Variants in EYS observed in about 807,000 individuals in gnomAD.
EYS encodes the protein EGF-like photoreceptor maintenance factor.
Under a neutral mutation model 282.1 loss-of-function variants are expected in EYS, and 250 were observed. The ratio of observed to expected loss-of-function variants is 0.89; its 90% confidence interval spans 0.80 to 0.98. The LOEUF (loss-of-function observed/expected upper bound fraction) is 0.98. Among genes scored for constraint, EYS ranks in the 50% least tolerant of loss-of-function variants. The probability of loss-of-function intolerance (pLI) is 0.00; values close to 1 mark genes in which losing one functional copy is unlikely to be tolerated. For missense variants in EYS, 4,016 were observed against 3,709.0 expected (o/e 1.08, Z -2.15); for synonymous variants, 1,355 against 1,282.9 (o/e 1.06, Z -1.20).
chr6:64,243,718 A>G (rs1766912997), intron 30 of EYS, among the ~76,000 whole-genome samples: 1 of 152,214 alleles, frequency 6.6e-6, no homozygotes, highest in Admixed American at 6.5e-5. Flanking sequence ...AAAAATTGCT[A>G]TTAAACAAAA....
intron 12 of EYS, among the ~76,000 whole-genome samples, chr6:65,280,392 A>T (rs1200949092): frequency 6.6e-6 from 1 of 152,146 alleles, no homozygotes; most frequent in Non-Finnish European, 1.5e-5. Flanking sequence ...TTTAGTTTTT[A>T]TGTAGTAAGT....
At chr6:65,643,141 C>T (rs1358884004) in intron 1 of EYS, among the ~76,000 whole-genome samples, 1 of 152,198 alleles carries the variant, frequency 6.6e-6, no homozygotes, top group East Asian at 1.9e-4. Flanking sequence ...GGCAAGTTCT[C>T]AGCCCTGGTC....
At chr6:63,959,545 A>C (rs1484264096) in intron 35 of EYS, among the ~76,000 whole-genome samples, 2 of 152,230 alleles carry the variant, frequency 1.3e-5, no homozygotes, top group Non-Finnish European at 2.9e-5. Flanking sequence ...TTATTCTACT[A>C]TAAAGACACA....
intron 5 of EYS, among the ~76,000 whole-genome samples, chr6:65,413,763 G>A (rs1394422880): frequency 7.9e-5 from 12 of 151,966 alleles, no homozygotes; most frequent in Admixed American, 4.6e-4. Context: ...GGCTGAGGCA[G>A]AAGAATTGCT....
At chr6:65,594,555 A>T (rs565797167) in intron 2 of EYS, among the ~76,000 whole-genome samples, 40 of 152,042 alleles carry the variant, frequency 2.6e-4, no homozygotes, top group African/African-American at 8.4e-4. Flanking sequence ...TGACGTTCTT[A>T]AAAAATATCA....
chr6:65,614,203 T>C (rs1766103095), intron 2 of EYS, among the ~76,000 whole-genome samples: 1 of 152,010 alleles, frequency 6.6e-6, no homozygotes, highest in African/African-American at 2.4e-5. Context: ...TATGAGTGTT[T>C]TTGGAGATAT....
intron 22 of EYS, among the ~76,000 whole-genome samples, chr6:64,688,081 C>G (rs1770225281): frequency 6.6e-6 from 1 of 151,776 alleles, no homozygotes; most frequent in Non-Finnish European, 1.5e-5. Context: ...TCCCCTTTAT[C>G]ATTTTTTATT....
intron 12 of EYS, among the ~76,000 whole-genome samples, chr6:65,193,151 T>C (rs1053315753): frequency 2.0e-5 from 3 of 151,916 alleles, no homozygotes; most frequent in African/African-American, 7.2e-5. Flanking sequence ...GAATAAATCC[T>C]TAACAGGTTA....
rs775180234 is a variant in EYS at position 65,490,641 on chromosome 6, T to G, written c.815A>C (p.Asn272Thr). 23 of 1,612,638 alleles carry G rather than the reference T, an allele frequency of 1.4e-5. No homozygotes were observed. The highest frequency in any genetic ancestry group is 2.2e-5 in the East Asian group (1 of 44,706). Residue 272 changes from asparagine to threonine, a missense_variant, in exon 5 of 43, where the codon AAT becomes ACT. Physicochemically the swap from Asn to Thr is moderately conservative, Grantham distance 65 (BLOSUM62 0). Transcript: ENST00000503581. ...PHVCFHGNCS[N>T]ITSNSFICEC... ...ACAAATGAAACTATTTGAAGTAATA[T>G]TGCTGCAGTTTCCATGGAAACAGAC... is the stretch of plus-strand genomic sequence containing the variant.
intron 12 of EYS, among the ~76,000 whole-genome samples, chr6:65,058,219 T>C (rs913266641): frequency 2.0e-5 from 3 of 152,084 alleles, no homozygotes; most frequent in African/African-American, 7.2e-5. Context: ...GGTGCGATCT[T>C]GGATCACTGC....
chr6:64,491,218 T>C (rs1776729267), intron 26 of EYS, among the ~76,000 whole-genome samples: 1 of 150,856 alleles, frequency 6.6e-6, no homozygotes. Context: ...AACCTAAATT[T>C]AGAAAAAATA....
At chr6:63,835,077 A>G (rs185108934) in intron 36 of EYS, among the ~76,000 whole-genome samples, 1 of 147,332 alleles carries the variant, frequency 6.8e-6, no homozygotes, top group Non-Finnish European at 1.5e-5. Context: ...GGGGAGGGTT[A>G]GCATTAAGGG....
chr6:64,770,566 C>G (rs1050609143), intron 22 of EYS, among the ~76,000 whole-genome samples: 13 of 151,904 alleles, frequency 8.6e-5, no homozygotes, highest in African/African-American at 3.1e-4. Flanking sequence ...GCCAGTGCTT[C>G]TGAGGTTCAC....
intron 36 of EYS, among the ~76,000 whole-genome samples, chr6:63,836,969 T>A (rs190586142): frequency 2.0e-5 from 3 of 152,158 alleles, no homozygotes; most frequent in Non-Finnish European, 4.4e-5. Context: ...ATGAAAAGAA[T>A]ATTTTTTCTC....
chr6:64,373,375 C>T (rs560199275), intron 29 of EYS, among the ~76,000 whole-genome samples: 5 of 152,184 alleles, frequency 3.3e-5, no homozygotes, highest in Non-Finnish European at 5.9e-5. Flanking sequence ...TTCTTTTGTT[C>T]TGGCCCACAA....
At chr6:63,767,093 A>G (rs1294569633) in intron 40 of EYS, among the ~76,000 whole-genome samples, 1 of 152,116 alleles carries the variant, frequency 6.6e-6, no homozygotes, top group Non-Finnish European at 1.5e-5. Context: ...AAATAATGAG[A>G]GCAGTCTATG....
intron 18 of EYS, among the ~76,000 whole-genome samples, chr6:64,889,710 T>G (rs1206970521): frequency 2.0e-5 from 3 of 152,124 alleles, no homozygotes; most frequent in Admixed American, 1.3e-4. Context: ...TGATTTCCTA[T>G]GCCCGTCTTT....
intron 8 of EYS, among the ~76,000 whole-genome samples, chr6:65,375,847 C>T (rs578189701): frequency 7.9e-5 from 12 of 151,912 alleles, no homozygotes; most frequent in South Asian, 2.1e-4. Flanking sequence ...TGAAAAAGAA[C>T]GAACAAAGCC....
rs200649960 is a variant in EYS at position 64,677,736 on chromosome 6, T to TA, written c.3444-51492_3444-51491insT. Reference sequence around the variant, plus strand: ...AAAATCAACTATTTAGTTATAAATTTTAAAAAAATGTCTAATTCTGTCATT... The same window carrying TA: ...AAAATCAACTATTTAGTTATAAATTTATAAAAAAATGTCTAATTCTGTCATT... On this transcript the variant is annotated intron_variant, in intron 22 of 42. Coordinates refer to ENST00000503581, the MANE Select transcript of EYS (RefSeq NM_001142800.2). Among the ~76,000 whole-genome samples the TA allele has an allele frequency of 5.7e-3, 873 of 152,114 alleles. 9 individuals carry two copies. The highest frequency in any genetic ancestry group is 0.019 in the African/African-American group (807 of 41,538).
Sources: allele counts gnomAD v4.1 joint callset (sites outside exome capture counted in the v4.1 genomes callset), GRCh38; gene constraint gnomAD v4.1.1; transcripts MANE v1.5; gene names NCBI Gene and HGNC (gene_info 2026-07-23, HGNC 2026-07-21).